Variants in SGCZ observed in about 807,000 individuals in gnomAD.
SGCZ encodes the protein zeta-sarcoglycan.
SGCZ carries 40 observed loss-of-function variants against 41.3 expected under a neutral mutation model. The observed-to-expected ratio is 0.97, with a 90% CI of 0.75 to 1.26. The LOEUF (loss-of-function observed/expected upper bound fraction) is 1.26, where lower values mean the gene tolerates loss of function less well. Among genes scored for constraint, SGCZ ranks in the 50% most tolerant of loss-of-function variants. SGCZ has a pLI of 0.00. For synonymous variants in SGCZ, 206 were observed against 137.5 expected (o/e 1.50, Z -3.49); for missense variants, 552 against 369.8 (o/e 1.49, Z -4.04).
chr8:14,566,533 C>A (rs1804367666), intron 1 of SGCZ, among the ~76,000 whole-genome samples: 1 of 152,230 alleles, frequency 6.6e-6, no homozygotes, highest in South Asian at 2.1e-4. Flanking sequence ...TCATTACTTA[C>A]AACTGAGGTA....
chr8:14,279,200 G>C (rs928659994), intron 3 of SGCZ, among the ~76,000 whole-genome samples: 1 of 151,800 alleles, frequency 6.6e-6, no homozygotes, highest in African/African-American at 2.4e-5. Context: ...GGGGGGAAAG[G>C]GGAAAAGTAG....
In SGCZ at chr8:14,633,974, G is replaced by T. The variant is rs1457720488; in HGVS notation, c.40-79048C>A. 2.0e-5 allele frequency among the ~76,000 whole-genome samples: 3 copies of T among 151,794 alleles called. No individual in the cohort carries two copies. In the Admixed American group the frequency reaches 2.0e-4, roughly 10 times the overall value. ...GAATACTAACAGTCCTTCTGCACTT[G>T]GTTGAGATCCAAGACTACCAGTATA... On this transcript the variant is annotated intron_variant, in intron 1 of 7. Transcript: ENST00000382080.
chr8:14,448,405 G>C (rs1229145074), intron 2 of SGCZ, among the ~76,000 whole-genome samples: 1 of 152,170 alleles, frequency 6.6e-6, no homozygotes, highest in Non-Finnish European at 1.5e-5. Context: ...TCATGCACCA[G>C]TTAGATAATA....
Position 14,869,070 on chromosome 8 carries a change from C to T in SGCZ, c.40-314144G>A, listed in dbSNP as rs561772531. The stretch of plus-strand genomic sequence containing the variant: ...TTCCAAACAACAGAAAAAAGGAACT[C>T]CTCCCTAACTCAATTTATGAGGCCA... On this transcript the variant is annotated intron_variant, in intron 1 of 7. Transcript: ENST00000382080. 3.9e-5 allele frequency among the ~76,000 whole-genome samples: 6 copies of T among 152,192 alleles called. No individual in the cohort carries two copies. The East Asian group carries it at 1.2e-3, about 30-fold the overall frequency.
chr8:14,596,386 C>T (rs927884876), intron 1 of SGCZ, among the ~76,000 whole-genome samples: 8 of 152,000 alleles, frequency 5.3e-5, no homozygotes, highest in Admixed American at 1.3e-4. Flanking sequence ...ATTTGATGAA[C>T]GACAATTTAT....
intron 1 of SGCZ, among the ~76,000 whole-genome samples, chr8:14,576,941 T>C (rs1357644596): frequency 6.6e-6 from 1 of 152,206 alleles, no homozygotes; most frequent in Non-Finnish European, 1.5e-5. Context: ...GTGAGGACAT[T>C]CATTCAAAGA....
At chr8:14,279,372 AT>A (rs1347261022) in intron 3 of SGCZ, among the ~76,000 whole-genome samples, 6 of 152,056 alleles carry the variant, frequency 3.9e-5, no homozygotes, top group African/African-American at 1.4e-4. Flanking sequence ...AAGCTAAAAT[AT>A]ACTGCATTTC....
At chr8:14,481,616 G>C (rs941322116) in intron 2 of SGCZ, among the ~76,000 whole-genome samples, 1 of 152,062 alleles carries the variant, frequency 6.6e-6, no homozygotes, top group African/African-American at 2.4e-5. Context: ...CAAGGATTTT[G>C]TAACATCACT....
chr8:14,512,865 G>A (rs940770700), intron 2 of SGCZ, among the ~76,000 whole-genome samples: 10 of 152,040 alleles, frequency 6.6e-5, no homozygotes, highest in Non-Finnish European at 1.3e-4. Flanking sequence ...TTGAAGATAA[G>A]TCTTCTAGTG....
intron 2 of SGCZ, among the ~76,000 whole-genome samples, chr8:14,355,821 G>A (rs1330118676): frequency 6.6e-6 from 1 of 151,990 alleles, no homozygotes; most frequent in African/African-American, 2.4e-5. Flanking sequence ...TAAAAAAACA[G>A]CAAATTCCCT....
intron 3 of SGCZ, among the ~76,000 whole-genome samples, chr8:14,260,265 C>A (rs897357449): frequency 1.3e-5 from 2 of 151,840 alleles, no homozygotes; most frequent in Non-Finnish European, 2.9e-5. Context: ...AAACAAACAA[C>A]CCCATCAAAA....
chr8:14,579,343 A>C (rs1276577519), intron 1 of SGCZ, among the ~76,000 whole-genome samples: 1 of 152,218 alleles, frequency 6.6e-6, no homozygotes, highest in African/African-American at 2.4e-5. Flanking sequence ...TATAAAACAG[A>C]AACCTTAATC....
intron 1 of SGCZ, among the ~76,000 whole-genome samples, chr8:15,029,120 G>C (rs1435768239): frequency 6.6e-6 from 1 of 152,008 alleles, no homozygotes; most frequent in Non-Finnish European, 1.5e-5. Flanking sequence ...TTGATTTGTA[G>C]CTAGATACGC....
chr8:14,911,396 T>C (rs370101949), intron 1 of SGCZ, among the ~76,000 whole-genome samples: 1 of 151,988 alleles, frequency 6.6e-6, no homozygotes. Flanking sequence ...AAAAGAAATC[T>C]AGGACATTAA....
chr8:14,235,089 G>A (rs1010321972), intron 4 of SGCZ, among the ~76,000 whole-genome samples: 1 of 152,108 alleles, frequency 6.6e-6, no homozygotes, highest in Non-Finnish European at 1.5e-5. Flanking sequence ...TCTTATAACA[G>A]CATTCAAAAT....
At chr8:14,184,359 A>G (rs538724976) in intron 4 of SGCZ, among the ~76,000 whole-genome samples, 22 of 152,304 alleles carry the variant, frequency 1.4e-4, no homozygotes, top group South Asian at 4.1e-4. Context: ...GCATTAATTT[A>G]TCTTGAAGTC....
chr8:15,236,979 G>T (rs1375683985), intron 1 of SGCZ, among the ~76,000 whole-genome samples: 1 of 152,200 alleles, frequency 6.6e-6, no homozygotes, highest in Non-Finnish European at 1.5e-5. Context: ...CCCCGGCAGC[G>T]GGGGTACCTC....
At chr8:14,409,047 G>A (rs1029577834) in intron 2 of SGCZ, among the ~76,000 whole-genome samples, 3 of 151,462 alleles carry the variant, frequency 2.0e-5, no homozygotes, top group African/African-American at 7.3e-5. Context: ...GATCATTTCA[G>A]TTTTGATACA....
intron 5 of SGCZ, among the ~76,000 whole-genome samples, chr8:14,123,452 G>C (rs575762019): frequency 1.2e-4 from 19 of 152,216 alleles, no homozygotes; most frequent in African/African-American, 4.3e-4. Context: ...ACTTAATATA[G>C]AGAGATTTGA....
Sources: gnomAD v4.1 joint callset for allele counts (sites outside exome capture counted in the v4.1 genomes callset) on GRCh38, gnomAD v4.1.1 for gene constraint, MANE v1.5 for transcripts, NCBI Gene and HGNC (gene_info 2026-07-23, HGNC 2026-07-21) for gene names.